CPNE8: variants seen among roughly 807,000 people sequenced by gnomAD.
CPNE8 encodes the protein copine-8.
Under a neutral mutation model 81.5 loss-of-function variants are expected in CPNE8, and 45 were observed. The observed-to-expected ratio is 0.55, with a 90% confidence interval of 0.44 to 0.71. CPNE8 has a LOEUF of 0.71. Ranked by LOEUF, CPNE8 falls within the 30% of genes least tolerant of loss-of-function variation. The probability of loss-of-function intolerance (pLI) is 0.00; values close to 1 mark genes in which losing one functional copy is unlikely to be tolerated. For synonymous variants in CPNE8, 252 were observed against 226.3 expected (o/e 1.11, Z -1.02); for missense variants, 594 against 672.1 (o/e 0.88, Z 1.28).
At chr12:38,732,603 AAGCTTTCTCCTCTGCATTAGTGGTTAGAG>A (rs1455581722) in intron 10 of CPNE8, among the ~76,000 whole-genome samples, 1 of 151,884 alleles carries the variant, frequency 6.6e-6, no homozygotes, top group African/African-American at 2.4e-5. Flanking sequence ...GAAAGGGAGA[AAGCTTTCTCCTCTGCATTAGTGGTTAGAG>A]AGCTTACAGC....
intron 14 of CPNE8, among the ~76,000 whole-genome samples, chr12:38,699,698 CT>C (rs10569297): frequency 1.7e-4 from 25 of 147,372 alleles, no homozygotes; most frequent in East Asian, 3.9e-4. Context: ...GCTTTCTAAA[CT>C]TTTTTTTTTT....
At chr12:38,889,809 G>A (rs181455542) in intron 1 of CPNE8, among the ~76,000 whole-genome samples, 16 of 152,266 alleles carry the variant, frequency 1.1e-4, no homozygotes, top group South Asian at 4.1e-4. Context: ...GAGACGATAC[G>A]GAAGTAGAAG....
chr12:38,838,135 T>A (rs1269700388), intron 5 of CPNE8, among the ~76,000 whole-genome samples: 4 of 152,132 alleles, frequency 2.6e-5, no homozygotes, highest in Non-Finnish European at 5.9e-5. Flanking sequence ...CATGGAAATG[T>A]CCTTACCTGC....
chr12:38,737,910 G>A (rs1012468504), intron 10 of CPNE8, among the ~76,000 whole-genome samples: 1 of 152,150 alleles, frequency 6.6e-6, no homozygotes, highest in African/African-American at 2.4e-5. Flanking sequence ...GCACTCTAGA[G>A]TCCACTGCTA....
intron 19 of CPNE8, among the ~76,000 whole-genome samples, chr12:38,660,021 T>G (rs1341422878): frequency 6.6e-6 from 1 of 152,168 alleles, no homozygotes; most frequent in East Asian, 1.9e-4. Context: ...ATCAATATCA[T>G]GAAAATGGCC....
intron 1 of CPNE8, among the ~76,000 whole-genome samples, chr12:38,898,599 A>G (rs1470037393): frequency 6.6e-6 from 1 of 152,194 alleles, no homozygotes; most frequent in East Asian, 1.9e-4. Context: ...TAATTTATCA[A>G]CTAACAACAT....
chr12:38,721,375 A>C (rs1208751330), intron 13 of CPNE8, among the ~76,000 whole-genome samples: 1 of 151,994 alleles, frequency 6.6e-6, no homozygotes, highest in Non-Finnish European at 1.5e-5. Context: ...AGATCTGGGA[A>C]GATGATAGGA....
At chr12:38,763,697 C>T (rs1298099122) in intron 8 of CPNE8, among the ~76,000 whole-genome samples, 1 of 152,194 alleles carries the variant, frequency 6.6e-6, no homozygotes, top group Non-Finnish European at 1.5e-5. Flanking sequence ...GTTCTTCCTT[C>T]ATGTGAATTT....
At chr12:38,771,557 G>T (rs1941803795) in intron 7 of CPNE8, among the ~76,000 whole-genome samples, 1 of 152,038 alleles carries the variant, frequency 6.6e-6, no homozygotes. Context: ...TATAAAATTT[G>T]CATTTGAATA....
In CPNE8 at chr12:38,703,887, G is replaced by A. The variant is rs535265128; in HGVS notation, c.915-966C>T. 1.1e-4 allele frequency among the ~76,000 whole-genome samples: 17 copies of A among 152,164 alleles called. No individual in the cohort carries two copies. The South Asian group carries it at 1.5e-3, about 13-fold the overall frequency. The stretch of plus-strand genomic sequence containing the variant: ...ACAAATATCTAGAATAAATCTAACC[G>A]AGGGAGTGAAAATCTAACCATAGAA... On this transcript the variant is annotated intron_variant, in intron 13 of 19. Transcript: ENST00000331366.
rs543782499 is a variant in CPNE8 at position 38,698,024 on chromosome 12, C to T, written c.962-4186G>A. Among the ~76,000 whole-genome samples the T allele has an allele frequency of 2.0e-5, 3 of 152,306 alleles. No homozygotes were observed. In the South Asian group the frequency reaches 6.2e-4, roughly 32 times the overall value. Reference sequence around the variant, plus strand: ...CAATGCAAATGAAACAACACAATCACCAACAATGTTATGAGGATTCTGATT... The same window carrying T: ...CAATGCAAATGAAACAACACAATCATCAACAATGTTATGAGGATTCTGATT... On this transcript the variant is annotated intron_variant, in intron 14 of 19. Transcript: ENST00000331366.
At chr12:38,786,744 G>A (rs1942196941) in intron 6 of CPNE8, among the ~76,000 whole-genome samples, 1 of 152,106 alleles carries the variant, frequency 6.6e-6, no homozygotes, top group Admixed American at 6.6e-5. Context: ...AAGAGACAAA[G>A]AAGGTCACTA....
rs1195663026 is a variant in CPNE8, at chr12:38,724,835, A to G, written c.852+11T>C. On this transcript the variant is annotated intron_variant, in intron 12 of 19. Transcript: ENST00000331366. ...TTTAATCTTTAATAAATAACATAAA[A>G]TTTGACTTACTGTTCCAGAATTAGT... is the stretch of plus-strand genomic sequence containing the variant. 3 of 1,418,806 alleles carry G rather than the reference A, an allele frequency of 2.1e-6. No homozygotes were observed. The highest frequency in any genetic ancestry group is 3.0e-6 in the Non-Finnish European group (3 of 1,014,384). The allele number at this position is 1,418,806 out of a possible 1,614,324, so 87.9% of individuals were successfully genotyped here.
chr12:38,716,546 C>T (rs752595332), intron 13 of CPNE8, among the ~76,000 whole-genome samples: 4 of 151,908 alleles, frequency 2.6e-5, no homozygotes, highest in Non-Finnish European at 5.9e-5. Flanking sequence ...GGGGAAAGAA[C>T]ACCCTATTCA....
chr12:38,745,338 G>GCAT (rs1941202524), intron 10 of CPNE8, among the ~76,000 whole-genome samples: 1 of 152,128 alleles, frequency 6.6e-6, no homozygotes, highest in Admixed American at 6.6e-5. Context: ...CTGAAATGCA[G>GCAT]CATCACATTA....
chr12:38,870,940 A>G (rs1486779331), intron 3 of CPNE8, among the ~76,000 whole-genome samples: 1 of 152,138 alleles, frequency 6.6e-6, no homozygotes, highest in Non-Finnish European at 1.5e-5. Flanking sequence ...CTCATGAAAC[A>G]TAAGGATTAT....
chr12:38,755,466 C>G (rs528221626), intron 10 of CPNE8, among the ~76,000 whole-genome samples: 1 of 152,250 alleles, frequency 6.6e-6, no homozygotes, highest in Non-Finnish European at 1.5e-5. Context: ...GAAAAAACTT[C>G]AAGCAATTGA....
chr12:38,772,213 CCAGTACCATGCT>C (rs1941817568), intron 7 of CPNE8, among the ~76,000 whole-genome samples: 1 of 152,116 alleles, frequency 6.6e-6, no homozygotes, highest in African/African-American at 2.4e-5. Flanking sequence ...TTACCACAAG[CCAGTACCATGCT>C]CTTGAGCTTC....
intron 10 of CPNE8, among the ~76,000 whole-genome samples, chr12:38,736,776 T>G (rs1592049587): frequency 6.6e-6 from 1 of 152,132 alleles, no homozygotes; most frequent in East Asian, 1.9e-4. Flanking sequence ...AGTCAAAAAA[T>G]TCTTAACAGG....
Sources: allele counts gnomAD v4.1 joint callset (sites outside exome capture counted in the v4.1 genomes callset), GRCh38; gene constraint gnomAD v4.1.1; transcripts MANE v1.5; gene names NCBI Gene and HGNC (gene_info 2026-07-23, HGNC 2026-07-21).